ABL1: variants seen among roughly 807,000 people sequenced by gnomAD.
ABL1 encodes tyrosine-protein kinase ABL1.
Under a neutral mutation model 94.7 loss-of-function variants are expected in ABL1, and 11 were observed. The observed-to-expected ratio is 0.12, with a 90% CI of 0.07 to 0.19. ABL1 has a LOEUF of 0.19. Ranked by LOEUF, ABL1 falls within the 10% of genes least tolerant of loss-of-function variation. The pLI, the probability that ABL1 is intolerant of heterozygous loss-of-function variation, is 1.00. For synonymous variants in ABL1, 656 were observed against 622.4 expected (o/e 1.05, Z -0.80); for missense variants, 1,082 against 1,489.4 (o/e 0.73, Z 4.50).
chr9:130,847,938 T>G (rs1049258596), intron 1 of ABL1, among the ~76,000 whole-genome samples: 2 of 152,212 alleles, frequency 1.3e-5, no homozygotes, highest in Non-Finnish European at 2.9e-5. Flanking sequence ...ATTCCAGGTG[T>G]TTTCCAGGCC....
At chr9:130,824,352 T>G (rs1225460365) in intron 1 of ABL1, among the ~76,000 whole-genome samples, 3 of 152,216 alleles carry the variant, frequency 2.0e-5, no homozygotes, top group African/African-American at 7.2e-5. Context: ...AACCTTCCTT[T>G]TTCTGTTTTT....
chr9:130,837,452 G>C (rs567885450), intron 1 of ABL1, among the ~76,000 whole-genome samples: 3 of 151,922 alleles, frequency 2.0e-5, no homozygotes, highest in Admixed American at 6.6e-5. Context: ...CGGAGATTTA[G>C]TATGGACCTG....
At chr9:130,733,812 G>A (rs981331153) in intron 1 of ABL1, among the ~76,000 whole-genome samples, 41 of 151,864 alleles carry the variant, frequency 2.7e-4, no homozygotes, top group African/African-American at 6.8e-4. Flanking sequence ...GGATGGTCTC[G>A]ATCTCCTGAC....
intron 1 of ABL1, among the ~76,000 whole-genome samples, chr9:130,738,352 CTT>C (rs1192220801): frequency 2.6e-5 from 4 of 152,118 alleles, no homozygotes; most frequent in Non-Finnish European, 2.9e-5. Context: ...AGTCGAATAA[CTT>C]TTAATATTTA....
intron 10 of ABL1, among the ~76,000 whole-genome samples, chr9:130,883,363 A>G (rs1396144612): frequency 6.6e-6 from 1 of 152,074 alleles, no homozygotes; most frequent in African/African-American, 2.4e-5. Context: ...CAGGCGTGGT[A>G]GCGGGTGCCT....
intron 1 of ABL1, among the ~76,000 whole-genome samples, chr9:130,817,896 T>C (rs960620509): frequency 1.3e-5 from 2 of 152,230 alleles, no homozygotes; most frequent in African/African-American, 4.8e-5. Flanking sequence ...ATAAAGCCAC[T>C]GTAAGCATTC....
intron 1 of ABL1, among the ~76,000 whole-genome samples, chr9:130,798,687 G>A (rs971325970): frequency 5.3e-5 from 8 of 152,024 alleles, no homozygotes; most frequent in Admixed American, 1.3e-4. Flanking sequence ...TGGAAGGGGG[G>A]GCCGGGCATG....
rs544972998 is a variant in ABL1, at chr9:130,835,853, G to T, written c.79+328G>T. Among the ~76,000 whole-genome samples the T allele has an allele frequency of 7.9e-5, 12 of 152,306 alleles. No homozygotes were observed. The East Asian group carries it at 2.3e-3, about 29-fold the overall frequency. On this transcript the variant is annotated intron_variant, in intron 1 of 10. Transcript: ENST00000318560. The surrounding 1 kb of genome is among the most constrained non-coding windows in gnomAD (Gnocchi z 4.6). The stretch of plus-strand genomic sequence containing the variant: ...GCACCAGCCCCGGTAGAGCCACGCC[G>T]GATGGTGACGGCGGCGTCCGGGGCC...
intron 1 of ABL1, among the ~76,000 whole-genome samples, chr9:130,812,583 A>T (rs1421322084): frequency 6.6e-6 from 1 of 152,242 alleles, no homozygotes; most frequent in Admixed American, 6.5e-5. Context: ...AATGTCACCA[A>T]GGATAAAGGA....
intron 1 of ABL1, among the ~76,000 whole-genome samples, chr9:130,757,281 C>T (rs1474904397): frequency 6.6e-6 from 1 of 152,128 alleles, no homozygotes; most frequent in Non-Finnish European, 1.5e-5. Context: ...CTGAAATTGG[C>T]CAGCCACAGT....
chr9:130,787,241 T>A (rs933592116), intron 1 of ABL1, among the ~76,000 whole-genome samples: 1 of 152,214 alleles, frequency 6.6e-6, no homozygotes, highest in Non-Finnish European at 1.5e-5. Context: ...TTGGTTCTCT[T>A]AGTCTGACTC....
intron 1 of ABL1, among the ~76,000 whole-genome samples, chr9:130,774,667 C>CA: frequency 6.6e-6 from 1 of 151,878 alleles, no homozygotes; most frequent in East Asian, 1.9e-4. Context: ...GTTAAAAAAA[C>CA]AAAAACAAAA....
intron 1 of ABL1, among the ~76,000 whole-genome samples, chr9:130,722,392 C>CA (rs10716593): frequency 5.3e-5 from 8 of 151,098 alleles, no homozygotes; most frequent in Middle Eastern, 3.4e-3. Flanking sequence ...GACTCCATCT[C>CA]AAAAAAAAAT....
intron 4 of ABL1, among the ~76,000 whole-genome samples, chr9:130,867,845 G>A (rs1250915886): frequency 6.6e-6 from 1 of 152,162 alleles, no homozygotes; most frequent in African/African-American, 2.4e-5. Flanking sequence ...GCTCCTCTAC[G>A]AGGTGGTCTC....
chr9:130,716,854 G>A (rs916632091), intron 1 of ABL1, among the ~76,000 whole-genome samples: 2 of 151,870 alleles, frequency 1.3e-5, no homozygotes, highest in Non-Finnish European at 2.9e-5. Flanking sequence ...GGGTTCAAGC[G>A]ATTCTCCTGC....
At chr9:130,726,278 A>T (rs541224276) in intron 1 of ABL1, among the ~76,000 whole-genome samples, 4 of 152,298 alleles carry the variant, frequency 2.6e-5, no homozygotes, top group Admixed American at 6.5e-5. Context: ...TAAGAAGTAG[A>T]AAATTGTGAG....
chr9:130,737,070 C>T (rs558304064), intron 1 of ABL1, among the ~76,000 whole-genome samples: 1 of 152,026 alleles, frequency 6.6e-6, no homozygotes, highest in African/African-American at 2.4e-5. Flanking sequence ...TTTAATTGGT[C>T]TGGGGAGAGG....
chr9:130,760,188 C>A (rs2132746637), intron 1 of ABL1, among the ~76,000 whole-genome samples: 1 of 152,142 alleles, frequency 6.6e-6, no homozygotes, highest in African/African-American at 2.4e-5. Context: ...TTTGGGTTAA[C>A]TTTGCCATTG....
chr9:130,720,572 T>C (rs893895006), intron 1 of ABL1, among the ~76,000 whole-genome samples: 1 of 152,096 alleles, frequency 6.6e-6, no homozygotes, highest in East Asian at 1.9e-4. Flanking sequence ...AGGGTGGCCT[T>C]ATTGGCCCAT....
Sources: gnomAD v4.1 joint callset for allele counts (sites outside exome capture counted in the v4.1 genomes callset) on GRCh38, gnomAD v4.1.1 for gene constraint, Gnocchi (gnomAD v3.1) non-coding constraint, MANE v1.5 for transcripts, NCBI Gene and HGNC (gene_info 2026-07-23, HGNC 2026-07-21) for gene names.